The following KBTBD11 variants were observed in gnomAD, a reference collection of about 807,000 sequenced individuals.
KBTBD11 encodes the protein kelch repeat and BTB domain-containing protein 11.
For synonymous variants in KBTBD11, 747 were observed against 499.0 expected (o/e 1.50, Z -6.63); for missense variants, 1,390 against 1,001.8 (o/e 1.39, Z -5.23).
At chr8:1,988,819 A>T (rs1468527601) in intron 1 of KBTBD11, among the ~76,000 whole-genome samples, 1 of 151,624 alleles carries the variant, frequency 6.6e-6, no homozygotes, top group Non-Finnish European at 1.5e-5. Flanking sequence ...AATACTTCAT[A>T]TATGTCTGCT....
rs933076113 is a variant in KBTBD11 at position 2,004,382 on chromosome 8, G to A, written c.*1318G>A. 1 of 166,828 alleles carries A rather than the reference G, an allele frequency of 6.0e-6. No homozygotes were observed. The highest frequency in any genetic ancestry group is 1.5e-5 in the Non-Finnish European group (1 of 68,122). The allele number at this position is 166,828 out of a possible 1,614,324, so 10.3% of individuals were successfully genotyped here. ...ATGAGATCCATGCTCACAAATAGAG[G>A]CGAACATTTGAACTCCGAATCCAAC... On this transcript the variant is annotated 3_prime_UTR_variant, in exon 2 of 2. Transcript: ENST00000320248.
Position 2,001,162 on chromosome 8 carries a change from G to C in KBTBD11, c.-31G>C. On this transcript the variant is annotated 5_prime_UTR_variant, in exon 2 of 2. Transcript: ENST00000320248. The stretch of plus-strand genomic sequence containing the variant: ...AGACCTGCAGGCTGCGGAACCGGGG[G>C]CGCGCGGGCGCAGCGCAGCACAGCC... The C allele has an allele frequency of 7.7e-7, 1 of 1,296,282 alleles. No individual in the cohort carries two copies. The allele number at this position is 1,296,282 out of a possible 1,614,324, so 80.3% of individuals were successfully genotyped here. A position where few individuals can be genotyped will look rare whatever the true frequency, so the allele number is the denominator to read the frequency against.
intron 1 of KBTBD11, among the ~76,000 whole-genome samples, chr8:1,982,176 G>A (rs890176099): frequency 2.0e-5 from 3 of 152,188 alleles, no homozygotes; most frequent in Non-Finnish European, 2.9e-5. Context: ...TAAATCGTCA[G>A]CTTAAAATAG....
chr8:1,974,409 A>G, intron 1 of KBTBD11: 4 of 983,718 alleles, frequency 4.1e-6, no homozygotes, highest in Non-Finnish European at 4.8e-6. Context: ...GCGCGGGGCC[A>G]GGGCGGGGGC....
At chr8:1,974,802 T>G (rs1303996233) in intron 1 of KBTBD11, 7 of 579,100 alleles carry the variant, frequency 1.2e-5, no homozygotes, top group Middle Eastern at 8.3e-4. Flanking sequence ...AAAACCACGT[T>G]TCCCCCTCCA....
chr8:1,978,675 G>A (rs903233892), intron 1 of KBTBD11, among the ~76,000 whole-genome samples: 2 of 152,230 alleles, frequency 1.3e-5, no homozygotes, highest in Non-Finnish European at 2.9e-5. Context: ...GGGAGGGAAC[G>A]GGGTCTCAAC....
chr8:2,002,934 C>CCGGCGGCGACGCAGGCCAGGG lies in KBTBD11; in HGVS notation c.1750_1770dup (p.Asp584_Gly590dup), dbSNP rs1817450749. 7.6e-7 allele frequency: 1 copy of CCGGCGGCGACGCAGGCCAGGG among 1,322,058 alleles called. No homozygotes were observed. Among genetic ancestry groups the CCGGCGGCGACGCAGGCCAGGG allele is most frequent in the African/African-American group, 1.5e-5 (1 of 64,786 alleles). The allele number at this position is 1,322,058 out of a possible 1,614,324, so 81.9% of individuals were successfully genotyped here. A position where few individuals can be genotyped will look rare whatever the true frequency, so the allele number is the denominator to read the frequency against. ...TTCCAGCCTGCCCGGGAAGGCGAGG[C>CCGGCGGCGACGCAGGCCAGGG]CGGCGGCGACGCAGGCCAGGGCGGC... On this transcript the variant is annotated inframe_insertion, in exon 2 of 2. Coordinates refer to ENST00000320248, the MANE Select transcript of KBTBD11 (RefSeq NM_014867.3). The surrounding 1 kb of genome is among the most constrained non-coding windows in gnomAD (Gnocchi z 4.1).
intron 1 of KBTBD11, among the ~76,000 whole-genome samples, chr8:1,986,899 G>A (rs1255531499): frequency 6.6e-6 from 1 of 151,516 alleles, no homozygotes; most frequent in Non-Finnish European, 1.5e-5. Flanking sequence ...GAGGCCAGGC[G>A]TGGTGCCTCA....
chr8:2,002,243 G>T lies in KBTBD11; in HGVS notation c.1051G>T (p.Gly351Cys). ...TRLPEGAPAR[G>C]CGLCVLYNYL... Reference sequence around the variant, plus strand: ...GCTGCCCGAGGGCGCGCCGGCGCGGGGCTGCGGCCTGTGCGTCCTCTACAA... The same window carrying T: ...GCTGCCCGAGGGCGCGCCGGCGCGGTGCTGCGGCCTGTGCGTCCTCTACAA... Residue 351 changes from glycine (G) to cysteine (C), a missense_variant, in exon 2 of 2, where the codon GGC (glycine) becomes TGC (cysteine). Gly to Cys is a radical substitution (Grantham distance 159). Transcript: ENST00000320248. This position sits in a 1 kb window ranked among gnomAD's most constrained non-coding sequence, Gnocchi z 4.1. 7.8e-7 allele frequency: 1 copy of T among 1,286,636 alleles called. No individual in the cohort carries two copies. The highest frequency in any genetic ancestry group is 9.8e-7 in the Non-Finnish European group (1 of 1,022,866). 79.7% of individuals were successfully genotyped at this position (1,286,636 alleles called of 1,614,324 possible).
At chr8:1,976,118 A>G (rs1816333772) in intron 1 of KBTBD11, 1 of 152,162 alleles carries the variant, frequency 6.6e-6, no homozygotes, top group East Asian at 1.9e-4. Flanking sequence ...CAAGGCTGTG[A>G]TCAAGGAGGA....
intron 1 of KBTBD11, among the ~76,000 whole-genome samples, chr8:1,987,725 T>TTTATTATTATTA (rs10628962): frequency 0.082 from 12,232 of 149,224 alleles, 638 homozygotes; most frequent in Non-Finnish European, 0.12. Flanking sequence ...TTTTGGAGCC[T>TTTATTATTATTA]TTATTATTAT....
At chr8:1,984,398 C>T (rs964386824) in intron 1 of KBTBD11, among the ~76,000 whole-genome samples, 2 of 148,012 alleles carry the variant, frequency 1.4e-5, no homozygotes, top group African/African-American at 2.5e-5. Flanking sequence ...ACGCCGTTCT[C>T]CTGCCTCAGC....
chr8:1,995,597 T>C (rs1817107363), intron 1 of KBTBD11, among the ~76,000 whole-genome samples: 2 of 152,146 alleles, frequency 1.3e-5, no homozygotes, highest in Admixed American at 1.3e-4. Context: ...ACCGACTCCC[T>C]TCTTGCTTCA....
chr8:1,974,706 G>A (rs768950137), intron 1 of KBTBD11: 1 of 985,354 alleles, frequency 1.0e-6, no homozygotes, highest in Non-Finnish European at 1.2e-6. Context: ...GCGGGATTCC[G>A]CAGGGGTCCC....
rs566272866 is a variant in KBTBD11 at position 1,980,312 on chromosome 8, C to T, written c.-909+6377C>T. Among the ~76,000 whole-genome samples, 384 of 148,992 alleles carry T rather than the reference C, an allele frequency of 2.6e-3. 1 individual carries two copies. The highest frequency in any genetic ancestry group is 4.1e-3 in the Non-Finnish European group (279 of 67,612). On this transcript the variant is annotated intron_variant, in intron 1 of 1. Coordinates refer to ENST00000320248, the MANE Select transcript of KBTBD11 (RefSeq NM_014867.3). The stretch of plus-strand genomic sequence containing the variant: ...CGCAATCTCAGCTCACTGCAAGCTC[C>T]GCCTCCTGGGTTCAAGCATTTCTCC...
intron 1 of KBTBD11, among the ~76,000 whole-genome samples, chr8:1,986,728 A>G (rs1816716027): frequency 6.6e-6 from 1 of 152,220 alleles, no homozygotes; most frequent in South Asian, 2.1e-4. Flanking sequence ...AAATAATGGT[A>G]GTTGTTTAAA....
At chr8:1,990,002 CT>C (rs1178842851) in intron 1 of KBTBD11, among the ~76,000 whole-genome samples, 1 of 123,082 alleles carries the variant, frequency 8.1e-6, no homozygotes, top group African/African-American at 3.1e-5. Context: ...GAATATTGAA[CT>C]TTGGTGTTGG....
chr8:1,990,492 TGTCCGGGTAGATGCTGCGGGGCCTTGGC>T (rs1816876179), intron 1 of KBTBD11, among the ~76,000 whole-genome samples: 1 of 103,018 alleles, frequency 9.7e-6, no homozygotes, highest in African/African-American at 3.9e-5. Flanking sequence ...CTTGGCGCCC[TGTCCGGGTAGATGCTGCGGGGCCTTGGC>T]GCCCTGTCCG....
chr8:1,981,545 A>G (rs1816541396), intron 1 of KBTBD11, among the ~76,000 whole-genome samples: 1 of 152,214 alleles, frequency 6.6e-6, no homozygotes, highest in Admixed American at 6.5e-5. Flanking sequence ...TAGCTCGTAA[A>G]GTATTATTTC....
Sources: gnomAD v4.1 joint callset for allele counts (sites outside exome capture counted in the v4.1 genomes callset) on GRCh38, gnomAD v4.1.1 for gene constraint, Gnocchi (gnomAD v3.1) non-coding constraint, MANE v1.5 for transcripts, NCBI Gene and HGNC (gene_info 2026-07-23, HGNC 2026-07-21) for gene names.